Variants in F5 observed in about 807,000 individuals in gnomAD.
F5 encodes the protein activated protein c cofactor.
Under a neutral mutation model 216.4 loss-of-function variants are expected in F5, and 138 were observed. The observed-to-expected ratio is 0.64, with a 90% confidence interval of 0.56 to 0.73. F5 has a LOEUF of 0.73. Ranked by LOEUF, F5 falls within the 30% of genes least tolerant of loss-of-function variation. The probability of loss-of-function intolerance (pLI) is 0.00; values close to 1 mark genes in which losing one functional copy is unlikely to be tolerated. For missense variants in F5, 2,403 were observed against 2,674.0 expected (o/e 0.90, Z 2.24); for synonymous variants, 916 against 930.7 (o/e 0.98, Z 0.29).
At chr1:169,570,824 CATT>C (rs550239819) in intron 3 of F5, among the ~76,000 whole-genome samples, 301 of 152,162 alleles carry the variant, frequency 2.0e-3, no homozygotes, top group Non-Finnish European at 2.5e-3. Context: ...ATATGCCAGT[CATT>C]ATTCTAAGAT....
chr1:169,527,075 C>T (rs1033142300), intron 17 of F5, among the ~76,000 whole-genome samples: 2 of 152,228 alleles, frequency 1.3e-5, no homozygotes, highest in Non-Finnish European at 2.9e-5. Flanking sequence ...GCTGCCTTCA[C>T]TAACTCCTCA....
At chr1:169,521,386 C>A (rs570248355) in intron 21 of F5, among the ~76,000 whole-genome samples, 3 of 152,268 alleles carry the variant, frequency 2.0e-5, no homozygotes, top group Admixed American at 2.0e-4. Context: ...ACTTCCCTTC[C>A]CACCCAGCCA....
At chr1:169,558,036 T>C (rs939873794) in intron 5 of F5, among the ~76,000 whole-genome samples, 4 of 152,214 alleles carry the variant, frequency 2.6e-5, no homozygotes, top group Non-Finnish European at 5.9e-5. Flanking sequence ...CTCAGATCAA[T>C]TTATTTTTAT....
At position 169,514,201 on chromosome 1, in the gene F5, AAG is replaced by A; in HGVS notation, c.*110_*111del. On this transcript the variant is annotated 3_prime_UTR_variant, in exon 25 of 25. Transcript: ENST00000367797. ...AAATTTTATTCACTAATAGAAAAGAAAGAGAAATAGTGGAAAACTGTTAACAT... is the reference window on the plus strand; with the variant it reads ...AAATTTTATTCACTAATAGAAAAGAAAGAAATAGTGGAAAACTGTTAACAT... The A allele has an allele frequency of 1.7e-6, 2 of 1,151,246 alleles. No homozygotes were observed. The highest frequency in any genetic ancestry group is 2.6e-6 in the Non-Finnish European group (2 of 780,600). The allele number at this position is 1,151,246 out of a possible 1,614,324, so 71.3% of individuals were successfully genotyped here. A position where few individuals can be genotyped will look rare whatever the true frequency, so the allele number is the denominator to read the frequency against.
In F5 at chr1:169,524,826, C is replaced by T; in HGVS notation, c.5788+11G>A. ...GGGGTACCATTCACAGACCATGGTG[C>T]TACAACTTACCCAGAAACTCTGAAG... is the stretch of plus-strand genomic sequence containing the variant. On this transcript the variant is annotated intron_variant, in intron 19 of 24. Transcript: ENST00000367797. The T allele has an allele frequency of 2.5e-6, 4 of 1,612,108 alleles. No individual in the cohort carries two copies. Among genetic ancestry groups the T allele is most frequent in the Non-Finnish European group, 3.4e-6 (4 of 1,178,272 alleles).
At chr1:169,532,740 A>G (rs1659618420) in intron 14 of F5, among the ~76,000 whole-genome samples, 1 of 152,188 alleles carries the variant, frequency 6.6e-6, no homozygotes, top group African/African-American at 2.4e-5. Flanking sequence ...ACACAAACAA[A>G]TGGAAAAACA....
chr1:169,538,708 T>C (rs561508732), intron 13 of F5, among the ~76,000 whole-genome samples: 1 of 152,316 alleles, frequency 6.6e-6, no homozygotes, highest in East Asian at 1.9e-4. Flanking sequence ...TGTTGCCTGA[T>C]TCCATTTATG....
chr1:169,516,760 T>C (rs1659163105), intron 23 of F5, among the ~76,000 whole-genome samples: 1 of 152,218 alleles, frequency 6.6e-6, no homozygotes, highest in Admixed American at 6.5e-5. Flanking sequence ...GCTTTGATTT[T>C]CAACCTCTCT....
intron 2 of F5, among the ~76,000 whole-genome samples, chr1:169,579,488 C>T (rs1462088753): frequency 1.3e-5 from 2 of 152,256 alleles, no homozygotes; most frequent in Non-Finnish European, 2.9e-5. Context: ...CTTTTGAGGG[C>T]CAAACTTCTA....
intron 7 of F5, among the ~76,000 whole-genome samples, chr1:169,554,019 C>G (rs1298147708): frequency 1.6e-5 from 2 of 121,300 alleles, no homozygotes; most frequent in Admixed American, 8.2e-5. Context: ...GGATTCCTAT[C>G]TCAGTTCTGT....
intron 7 of F5, among the ~76,000 whole-genome samples, chr1:169,553,565 T>C (rs975947428): frequency 6.6e-6 from 1 of 152,072 alleles, no homozygotes; most frequent in Non-Finnish European, 1.5e-5. Context: ...AAAATTATAT[T>C]TTTTGTATTT....
At chr1:169,554,697 G>A (rs1208777954) in intron 7 of F5, among the ~76,000 whole-genome samples, 1 of 152,096 alleles carries the variant, frequency 6.6e-6, no homozygotes. Flanking sequence ...TTTTCTCACA[G>A]CCTTGTCAAC....
chr1:169,523,970 G>A, intron 19 of F5, 66 bp from the exon 20 acceptor site: 2 of 1,355,498 alleles, frequency 1.5e-6, no homozygotes, highest in South Asian at 1.2e-5. Context: ...TCTCAAGTGA[G>A]TTTAATCCAG....
intron 3 of F5, among the ~76,000 whole-genome samples, chr1:169,571,364 T>A (rs937656810): frequency 6.6e-6 from 1 of 152,148 alleles, no homozygotes; most frequent in African/African-American, 2.4e-5. Flanking sequence ...TTCATTTAAA[T>A]TTCAGGCAAT....
Position 169,520,535 on chromosome 1 carries a change from C to T in F5, c.6178G>A (p.Gly2060Ser). 1 of 1,614,006 alleles carries T rather than the reference C, an allele frequency of 6.2e-7. No homozygotes were observed. Among genetic ancestry groups the T allele is most frequent in the East Asian group, 2.2e-5 (1 of 44,860 alleles). Residue 2060 changes from glycine to serine, a missense_variant, in exon 22 of 25, where the codon GGT (glycine) becomes AGT (serine). By Grantham distance (56) the Gly-to-Ser change is moderately conservative (BLOSUM62 0). Coordinates refer to ENST00000367797, the MANE Select transcript of F5 (RefSeq NM_000130.5). ...TGTACCTTACCATTTACCTCACAAC[C>T]TTGCAGTTCCAATCGAAGGGTAGGT... ...NRPTLRLELQ[G>S]CEVNGCSTPL...
At chr1:169,576,779 T>A (rs1299479358) in intron 2 of F5, among the ~76,000 whole-genome samples, 2 of 152,188 alleles carry the variant, frequency 1.3e-5, no homozygotes, top group African/African-American at 4.8e-5. Context: ...CTGACTATGC[T>A]GCCAATTGTG....
At chr1:169,532,222 C>A (rs1659607632) in intron 14 of F5, among the ~76,000 whole-genome samples, 1 of 152,302 alleles carries the variant, frequency 6.6e-6, no homozygotes, top group Admixed American at 6.5e-5. Context: ...CCATCTATGA[C>A]AAACCTACAG....
rs747075586 is a variant in F5, at chr1:169,543,041, T to C, written c.2049A>G (p.Lys683=). The C allele has an allele frequency of 3.7e-6, 6 of 1,613,818 alleles. No homozygotes were observed. The South Asian group carries it at 4.4e-5, about 12-fold the overall frequency. ...AGTCTTCATCATCATCTGGGATACATTTAACATCCCTGAATTTCAGCCTCA... is the reference window on the plus strand; with the variant it reads ...AGTCTTCATCATCATCTGGGATACACTTAACATCCCTGAATTTCAGCCTCA... ...KKLRLKFRDV[K]CIPDDDEDSY... Residue 683 remains lysine (K), a synonymous_variant, in exon 13 of 25, where the codon AAA becomes AAG. Coordinates refer to ENST00000367797, the MANE Select transcript of F5 (RefSeq NM_000130.5).
chr1:169,526,983 C>G (rs766979611), intron 17 of F5, among the ~76,000 whole-genome samples: 2 of 151,720 alleles, frequency 1.3e-5, no homozygotes, highest in Non-Finnish European at 2.9e-5. Context: ...TTTCCCTGCT[C>G]TTAATCAAAC....
Sources: allele counts gnomAD v4.1 joint callset (sites outside exome capture counted in the v4.1 genomes callset), GRCh38; gene constraint gnomAD v4.1.1; transcripts MANE v1.5; gene names NCBI Gene and HGNC (gene_info 2026-07-23, HGNC 2026-07-21).